DYNLT2: variants seen among roughly 807,000 people sequenced by gnomAD.
The protein encoded by DYNLT2 is dynein light chain Tctex-type protein 2.
In DYNLT2, 24 loss-of-function variants were observed where a neutral mutation model predicts 24.3. The observed-to-expected ratio is 0.99, with a 90% CI of 0.71 to 1.39. DYNLT2 has a LOEUF of 1.39. Ranked by LOEUF, DYNLT2 falls within the 40% of genes most tolerant of loss-of-function variation. DYNLT2 has a pLI of 0.00. For synonymous variants in DYNLT2, 85 were observed against 85.4 expected (o/e 1.00, Z 0.03); for missense variants, 246 against 234.5 (o/e 1.05, Z -0.32).
At chr6:169,748,754 AAT>A (rs1789870792) in intron 1 of DYNLT2, among the ~76,000 whole-genome samples, 1 of 152,238 alleles carries the variant, frequency 6.6e-6, no homozygotes, top group Admixed American at 6.5e-5. Flanking sequence ...TTTCAACTGC[AAT>A]GATTCTTAAG....
the DYNLT2 span, among the ~76,000 whole-genome samples, chr6:169,727,203 TAAGG>T: frequency 6.6e-6 from 1 of 152,156 alleles, no homozygotes; most frequent in Non-Finnish European, 1.5e-5. Flanking sequence ...TAAAGCAGAT[TAAGG>T]GAGGAATGGA....
intron 3 of DYNLT2, 138 bp downstream of exon 3, chr6:169,742,942 A>G: frequency 1.4e-6 from 1 of 705,584 alleles, no homozygotes; most frequent in Non-Finnish European, 2.1e-6. Flanking sequence ...AAATATACTT[A>G]ACAACATGAT....
chr6:169,741,023 G>T (rs370429675), intron 3 of DYNLT2, among the ~76,000 whole-genome samples: 248 of 152,142 alleles, frequency 1.6e-3, no homozygotes, highest in African/African-American at 5.6e-3. Context: ...TGACCAAGCT[G>T]CTTGAACTCC....
At chr6:169,747,816 C>G (rs1404936507) in intron 1 of DYNLT2, among the ~76,000 whole-genome samples, 3 of 152,180 alleles carry the variant, frequency 2.0e-5, no homozygotes, top group Admixed American at 2.0e-4. Context: ...TCGTGCTTTT[C>G]TGTAGGTCTA....
At position 169,751,347 on chromosome 6, in the gene DYNLT2, T is replaced by C. The variant is rs1790047404; in HGVS notation, c.112A>G (p.Lys38Glu). Reference sequence around the variant, plus strand: ...GCAGTCTCCGCACTCACTGCCTCCTTCTCGAACATGCTAGGCCTCCTTTCT... The same window carrying C: ...GCAGTCTCCGCACTCACTGCCTCCTCCTCGAACATGCTAGGCCTCCTTTCT... ...RKERRPSMFEKEAYTQILRER... is the reference protein window; with the variant it reads ...RKERRPSMFEEEAYTQILRER... The change falls in exon 1 of 4, where the codon AAG (lysine) becomes GAG (glutamate). Residue 38 changes from lysine (K) to glutamate (E), a missense_variant. Physicochemically the swap from Lys to Glu is moderately conservative, Grantham distance 56 (BLOSUM62 1). Coordinates refer to ENST00000366774, the MANE Select transcript of DYNLT2 (RefSeq NM_174910.3). The C allele has an allele frequency of 1.9e-6, 3 of 1,613,784 alleles. No homozygotes were observed. Among genetic ancestry groups the C allele is most frequent in the South Asian group, 2.2e-5 (2 of 91,070 alleles).
chr6:169,743,951 G>A lies in DYNLT2; in HGVS notation c.327+117C>T. ...CTGCACCAATGACACAATACCTTCT[G>A]GTTCTAGTGACAATTGTATGAGCCA... On this transcript the variant is annotated intron_variant, in intron 2 of 3. Transcript: ENST00000366774. 2 of 930,300 alleles carry A rather than the reference G, an allele frequency of 2.1e-6. 1 individual carries two copies. The highest frequency in any genetic ancestry group is 3.3e-5 in the South Asian group (2 of 59,918). 57.6% of individuals were successfully genotyped at this position (930,300 alleles called of 1,614,324 possible).
At chr6:169,730,442 T>C in the DYNLT2 span, among the ~76,000 whole-genome samples, 8 of 152,156 alleles carry the variant, frequency 5.3e-5, no homozygotes, top group African/African-American at 7.2e-5. Flanking sequence ...AACTCCTGGC[T>C]GTAAGTCATC....
chr6:169,744,925 T>C (rs1585319416), intron 1 of DYNLT2, among the ~76,000 whole-genome samples: 1 of 152,326 alleles, frequency 6.6e-6, no homozygotes, highest in African/African-American at 2.4e-5. Context: ...GTAAGCTTCA[T>C]TTTATTAATA....
At chr6:169,725,600 A>G in the DYNLT2 span, 1 of 333,878 alleles carries the variant, frequency 3.0e-6, no homozygotes, top group Non-Finnish European at 5.4e-6. Flanking sequence ...CTTTCAGCTA[A>G]ATTCTTTTCA....
chr6:169,731,060 A>G, the DYNLT2 span, among the ~76,000 whole-genome samples: 5 of 152,136 alleles, frequency 3.3e-5, no homozygotes, highest in Admixed American at 6.5e-5. Context: ...TTCTTGGTAC[A>G]GGTCTCAACA....
chr6:169,746,081 T>C (rs1177454568), intron 1 of DYNLT2, among the ~76,000 whole-genome samples: 1 of 152,220 alleles, frequency 6.6e-6, no homozygotes, highest in Non-Finnish European at 1.5e-5. Context: ...TATTCTTTCA[T>C]TATATTTATA....
Position 169,743,189 on chromosome 6 carries a change from GA to G in DYNLT2, c.376del (p.Ser126HisfsTer10), listed in dbSNP as rs752386159. 1 of 1,580,498 alleles carries G rather than the reference GA, an allele frequency of 6.3e-7. No individual in the cohort carries two copies. The highest frequency in any genetic ancestry group is 2.3e-5 in the East Asian group (1 of 44,406). On this transcript the variant is annotated frameshift_variant, in exon 3 of 4. Coordinates refer to ENST00000366774, the MANE Select transcript of DYNLT2 (RefSeq NM_174910.3). LOFTEE classifies it high-confidence loss of function. ...KYDDKVFSHL[S>X]LELADRILLA... ...CAGTATGCGGTCTGCCAATTCAAGT[GA>G]CAAGTGAGAGAATACTTTATCATCA...
intron 1 of DYNLT2, among the ~76,000 whole-genome samples, chr6:169,746,118 C>A (rs1220868728): frequency 6.6e-6 from 1 of 152,120 alleles, no homozygotes; most frequent in African/African-American, 2.4e-5. Flanking sequence ...TAGCAATATC[C>A]TGACTTGCAT....
chr6:169,727,961 T>A, the DYNLT2 span, among the ~76,000 whole-genome samples: 17 of 152,184 alleles, frequency 1.1e-4, no homozygotes, highest in Admixed American at 2.6e-4. Flanking sequence ...ATACAGAAGA[T>A]CTGAGGAAGA....
At chr6:169,741,077 G>T (rs1410590324) in intron 3 of DYNLT2, among the ~76,000 whole-genome samples, 1 of 152,090 alleles carries the variant, frequency 6.6e-6, no homozygotes, top group Non-Finnish European at 1.5e-5. Context: ...AAAGTGCTGG[G>T]ATTACAGACA....
intron 3 of DYNLT2, among the ~76,000 whole-genome samples, chr6:169,741,968 G>A (rs1789689610): frequency 6.6e-6 from 1 of 152,018 alleles, no homozygotes. Context: ...GTACCCCTCT[G>A]CCAGTCCAGG....
At chr6:169,726,535 T>C in the DYNLT2 span, among the ~76,000 whole-genome samples, 12 of 152,332 alleles carry the variant, frequency 7.9e-5, no homozygotes, top group African/African-American at 2.9e-4. Flanking sequence ...TAAATGAAGA[T>C]GGATTCTAGG....
intron 1 of DYNLT2, chr6:169,750,454 C>A (rs953097694): frequency 2.3e-4 from 35 of 152,166 alleles, no homozygotes; most frequent in Non-Finnish European, 4.1e-4. Context: ...GAAACAAGAA[C>A]CTGAAATTTC....
At chr6:169,742,924 A>G (rs1367531474) in intron 3 of DYNLT2, among the ~76,000 whole-genome samples, 156 bp downstream of exon 3, 2 of 152,196 alleles carry the variant, frequency 1.3e-5, no homozygotes, top group African/African-American at 4.8e-5. Context: ...AATAATTTAC[A>G]GTGAAATAAA....
Sources: allele counts gnomAD v4.1 joint callset (sites outside exome capture counted in the v4.1 genomes callset), GRCh38; gene constraint gnomAD v4.1.1; transcripts MANE v1.5; gene names NCBI Gene and HGNC (gene_info 2026-07-23, HGNC 2026-07-21).